Variants in SSU72 observed in about 807,000 individuals in gnomAD.
The protein encoded by SSU72 is SSU72 homolog, RNA polymerase II CTD phosphatase, also known as RNA polymerase II subunit A C-terminal domain phosphatase SSU72.
SSU72 carries 12 observed loss-of-function variants against 22.7 expected under a neutral mutation model. The observed-to-expected ratio is 0.53, with a 90% CI of 0.34 to 0.86. SSU72 has a LOEUF of 0.86. Among genes scored for constraint, SSU72 ranks in the 40% least tolerant of loss-of-function variants. The probability of loss-of-function intolerance (pLI) is 0.02; values close to 1 mark genes in which losing one functional copy is unlikely to be tolerated. For missense variants in SSU72, 151 were observed against 249.8 expected, an observed-to-expected ratio of 0.60 and a Z score of 2.67; for synonymous variants, 116 against 98.3, an observed-to-expected ratio of 1.18 and a Z score of -1.06.
intron 2 of SSU72, chr1:1,564,336 T>C (rs1229637971): frequency 7.7e-6 from 6 of 782,568 alleles, no homozygotes; most frequent in Non-Finnish European, 1.2e-5. Context: ...TATCTGACCT[T>C]CTAACGACCT....
At chr1:1,546,816 C>T (rs1046598073) in intron 2 of SSU72, among the ~76,000 whole-genome samples, 1 of 143,618 alleles carries the variant, frequency 7.0e-6, no homozygotes, top group Non-Finnish European at 1.5e-5. Flanking sequence ...GCACTTCGGC[C>T]TGGGCGACAG....
At chr1:1,574,241 G>C (rs1394483265) in intron 1 of SSU72, among the ~76,000 whole-genome samples, 2 of 151,894 alleles carry the variant, frequency 1.3e-5, no homozygotes, top group African/African-American at 4.8e-5. Flanking sequence ...GCCTCGGAGA[G>C]CTCGAAGGAC....
At position 1,543,076 on chromosome 1, in the gene SSU72, G is replaced by A. The variant is rs542674057; in HGVS notation, c.483+793C>T. On this transcript the variant is annotated intron_variant, in intron 4 of 4. Coordinates refer to ENST00000291386, the MANE Select transcript of SSU72 (RefSeq NM_014188.3). ...CAGAGGCAGAGGCAGAGGCAGAGGC[G>A]GGACGGTGCGTGGGGCTCTCCTCAG... 5.7e-4 allele frequency among the ~76,000 whole-genome samples: 87 copies of A among 152,332 alleles called. 1 individual carries two copies. The highest frequency in any genetic ancestry group is 2.0e-3 in the African/African-American group (82 of 41,566).
At chr1:1,573,349 G>C (rs1205804001) in intron 1 of SSU72, among the ~76,000 whole-genome samples, 3 of 148,564 alleles carry the variant, frequency 2.0e-5, no homozygotes, top group Non-Finnish European at 4.5e-5. Context: ...AGAATAGCTC[G>C]ATCTCGGGAG....
chr1:1,559,709 G>A (rs572539687), intron 2 of SSU72, among the ~76,000 whole-genome samples: 74 of 150,938 alleles, frequency 4.9e-4, no homozygotes, highest in African/African-American at 1.7e-3. Context: ...ACAGGCACAC[G>A]CCACCACACC....
chr1:1,545,369 C>CGGAT (rs1557494978), intron 2 of SSU72: 1 of 247,806 alleles, frequency 4.0e-6, no homozygotes, highest in African/African-American at 2.2e-5. Context: ...TCTCCGCAGT[C>CGGAT]GGATCCTTCT....
At chr1:1,567,232 CCACA>C (rs1333249969) in intron 1 of SSU72, among the ~76,000 whole-genome samples, 1 of 152,182 alleles carries the variant, frequency 6.6e-6, no homozygotes, top group Non-Finnish European at 1.5e-5. Context: ...CACACGTCAC[CCACA>C]CACACAGAGA....
At chr1:1,545,870 T>C (rs569994299) in intron 2 of SSU72, 18 of 152,316 alleles carry the variant, frequency 1.2e-4, no homozygotes, top group African/African-American at 3.9e-4. Flanking sequence ...AGGAGGGAGA[T>C]GCCACAGCCT....
At position 1,542,981 on chromosome 1, in the gene SSU72, C is replaced by T. The variant is rs1408732056; in HGVS notation, c.484-814G>A. On this transcript the variant is annotated intron_variant, in intron 4 of 4. Transcript: ENST00000291386. The surrounding 1 kb of genome is among the most constrained non-coding windows in gnomAD (Gnocchi z 4.4). ...CCGCCCGCCTGGCTCCCGGGCTTTC[C>T]AAACACACCATCTTCTTTCTTGGTG... 6.6e-6 allele frequency among the ~76,000 whole-genome samples: 1 copy of T among 152,238 alleles called. No homozygotes were observed. Among genetic ancestry groups the T allele is most frequent in the Non-Finnish European group, 1.5e-5 (1 of 68,038 alleles).
chr1:1,574,199 G>A (rs990214927), intron 1 of SSU72, among the ~76,000 whole-genome samples: 1 of 152,122 alleles, frequency 6.6e-6, no homozygotes, highest in African/African-American at 2.4e-5. Context: ...GCAGCCCCTC[G>A]CCGCGGACGC....
intron 2 of SSU72, 166 bp downstream of exon 2, chr1:1,564,607 G>A (rs781270756): frequency 3.7e-6 from 6 of 1,612,540 alleles, no homozygotes; most frequent in Admixed American, 1.7e-5. Flanking sequence ...GAACTAACCC[G>A]TGGACGATCC....
intron 2 of SSU72, among the ~76,000 whole-genome samples, chr1:1,560,173 T>C (rs1344495436): frequency 6.6e-6 from 1 of 151,904 alleles, no homozygotes; most frequent in Non-Finnish European, 1.5e-5. Flanking sequence ...TACTATTAAT[T>C]CCCAAAAGAA....
chr1:1,548,029 G>A (rs573797763), intron 2 of SSU72, among the ~76,000 whole-genome samples: 1 of 152,340 alleles, frequency 6.6e-6, no homozygotes, highest in South Asian at 2.1e-4. Context: ...AACTGGGCAT[G>A]AGGGCCTGAA....
chr1:1,574,363 C>G, intron 1 of SSU72, 115 bp downstream of exon 1: 3 of 1,138,120 alleles, frequency 2.6e-6, no homozygotes, highest in South Asian at 1.5e-5. Flanking sequence ...GACCCACGAG[C>G]GCGGCCCGGC....
chr1:1,574,423 A>T, intron 1 of SSU72, 55 bp downstream of exon 1: 2 of 1,532,392 alleles, frequency 1.3e-6, no homozygotes, highest in Non-Finnish European at 1.8e-6. Flanking sequence ...ACCGGGGAGG[A>T]GGGAGGGCCG....
chr1:1,552,592 C>T (rs1642466821), intron 2 of SSU72, among the ~76,000 whole-genome samples: 1 of 152,236 alleles, frequency 6.6e-6, no homozygotes, highest in South Asian at 2.1e-4. Context: ...AGTGACTGCT[C>T]TCCATGGCCC....
At chr1:1,564,621 G>T (rs546354725) in intron 2 of SSU72, 152 bp downstream of exon 2, 2 of 1,613,658 alleles carry the variant, frequency 1.2e-6, no homozygotes, top group South Asian at 1.1e-5. Context: ...ACGATCCGAC[G>T]TGCACCAGGA....
At chr1:1,543,554 G>C (rs1642351162) in intron 4 of SSU72, among the ~76,000 whole-genome samples, 1 of 152,136 alleles carries the variant, frequency 6.6e-6, no homozygotes, top group African/African-American at 2.4e-5. Flanking sequence ...GAGCTGAGCA[G>C]ACCTTGCCCC....
At chr1:1,569,554 A>G (rs1372789522) in intron 1 of SSU72, among the ~76,000 whole-genome samples, 2 of 152,228 alleles carry the variant, frequency 1.3e-5, no homozygotes, top group East Asian at 1.9e-4. Context: ...TCAGTGGCGC[A>G]GTCACAGCTC....
Sources: allele counts gnomAD v4.1 joint callset (sites outside exome capture counted in the v4.1 genomes callset), GRCh38; gene constraint gnomAD v4.1.1; non-coding constraint Gnocchi (gnomAD v3.1); transcripts MANE v1.5; gene names NCBI Gene and HGNC (gene_info 2026-07-23, HGNC 2026-07-21).